Variants in PARD3B observed in about 807,000 individuals in gnomAD.
The protein encoded by PARD3B is par-3 family cell polarity regulator beta, also known as partitioning defective 3 homolog B.
A neutral mutation model predicts 130.2 loss-of-function variants in PARD3B; 103 were observed. That is an observed-to-expected ratio of 0.79 (90% CI 0.67 to 0.93). The LOEUF is 0.93. Among genes scored for constraint, PARD3B ranks in the 40% least tolerant of loss-of-function variants. The pLI is 0.00. For synonymous variants in PARD3B, 583 were observed against 553.2 expected (o/e 1.05, Z -0.76); for missense variants, 1,609 against 1,499.2 (o/e 1.07, Z -1.21).
intron 4 of PARD3B, among the ~76,000 whole-genome samples, chr2:205,063,021 T>C (rs1454717879): frequency 6.6e-6 from 1 of 152,066 alleles, no homozygotes; most frequent in Non-Finnish European, 1.5e-5. Context: ...TATTATTAAT[T>C]AATCTATTAT....
At chr2:204,824,212 T>A (rs2043478707) in intron 2 of PARD3B, among the ~76,000 whole-genome samples, 1 of 152,208 alleles carries the variant, frequency 6.6e-6, no homozygotes, top group African/African-American at 2.4e-5. Context: ...TATGTTATCC[T>A]CTGGCTTCCA....
At chr2:205,226,742 T>C (rs2038572806) in intron 15 of PARD3B, among the ~76,000 whole-genome samples, 1 of 152,218 alleles carries the variant, frequency 6.6e-6, no homozygotes, top group East Asian at 1.9e-4. Context: ...GCCAGGATCA[T>C]GCTGTTCTGA....
intron 11 of PARD3B, 103 bp from the exon 12 acceptor site, chr2:205,172,100 GTTTTCTTT>G (rs1446015606): frequency 3.8e-5 from 42 of 1,108,406 alleles, no homozygotes; most frequent in Non-Finnish European, 5.1e-5. Flanking sequence ...TAACAGCTAG[GTTTTCTTT>G]TTTTCTTTTT....
chr2:205,076,945 A>G (rs1701104662), intron 4 of PARD3B, among the ~76,000 whole-genome samples: 1 of 152,100 alleles, frequency 6.6e-6, no homozygotes, highest in Admixed American at 6.6e-5. Flanking sequence ...CTATTTCCTA[A>G]ATTTATTTGA....
intron 15 of PARD3B, among the ~76,000 whole-genome samples, chr2:205,214,318 C>T (rs953824349): frequency 3.9e-5 from 6 of 151,910 alleles, no homozygotes; most frequent in Admixed American, 1.3e-4. Context: ...TCAAAACATG[C>T]TTGAACTGCT....
At chr2:204,563,716 A>G (rs2031490685) in intron 1 of PARD3B, among the ~76,000 whole-genome samples, 1 of 152,076 alleles carries the variant, frequency 6.6e-6, no homozygotes, top group Non-Finnish European at 1.5e-5. Context: ...TTCAGTTGAC[A>G]CTTTTGAGAC....
At chr2:205,032,789 A>G (rs901259958) in intron 3 of PARD3B, among the ~76,000 whole-genome samples, 2 of 152,064 alleles carry the variant, frequency 1.3e-5, no homozygotes, top group Non-Finnish European at 2.9e-5. Context: ...AAAGCCCACC[A>G]TTTTTTTCCA....
At chr2:204,604,019 A>C (rs551647488) in intron 1 of PARD3B, among the ~76,000 whole-genome samples, 22 of 152,244 alleles carry the variant, frequency 1.4e-4, no homozygotes, top group Middle Eastern at 6.8e-3. Flanking sequence ...GTGAGTAATA[A>C]ATATTTGTTG....
chr2:205,453,034 G>T (rs534370199), intron 20 of PARD3B, among the ~76,000 whole-genome samples: 10 of 152,320 alleles, frequency 6.6e-5, no homozygotes, highest in African/African-American at 2.4e-4. Context: ...CTAAGAAGAG[G>T]TTGGAAGGTA....
intron 2 of PARD3B, among the ~76,000 whole-genome samples, chr2:204,836,020 A>C (rs1289083068): frequency 1.3e-5 from 2 of 152,242 alleles, no homozygotes; most frequent in Non-Finnish European, 2.9e-5. Flanking sequence ...GTTAAAAACT[A>C]TCAAACTATG....
intron 2 of PARD3B, among the ~76,000 whole-genome samples, chr2:204,928,493 A>G (rs2125770562): frequency 6.6e-6 from 1 of 152,292 alleles, no homozygotes; most frequent in Admixed American, 6.5e-5. Context: ...CACAAAAGAC[A>G]TATAAACGTG....
rs1197961809 is a variant in PARD3B at position 204,906,810 on chromosome 2, T to C, written c.223-58342T>C. 6.6e-6 allele frequency among the ~76,000 whole-genome samples: 1 copy of C among 152,246 alleles called. No individual in the cohort carries two copies. On this transcript the variant is annotated intron_variant, in intron 2 of 22. Transcript: ENST00000406610. This position sits in a 1 kb window ranked among gnomAD's most constrained non-coding sequence, Gnocchi z 4.3. ...AAACATTTTACATTGGATTATTTCATCTGCGTGGTTTTGTACACCATTTGA... is the reference window on the plus strand; with the variant it reads ...AAACATTTTACATTGGATTATTTCACCTGCGTGGTTTTGTACACCATTTGA...
At chr2:205,031,104 C>T (rs1697387468) in intron 3 of PARD3B, among the ~76,000 whole-genome samples, 2 of 152,086 alleles carry the variant, frequency 1.3e-5, no homozygotes, top group Non-Finnish European at 2.9e-5. Flanking sequence ...CTGCCACAGA[C>T]TAGAAAGATA....
intron 10 of PARD3B, among the ~76,000 whole-genome samples, chr2:205,139,626 T>A (rs1375134354): frequency 6.6e-6 from 1 of 152,234 alleles, no homozygotes; most frequent in Non-Finnish European, 1.5e-5. Context: ...GCTACATTTG[T>A]TCATGTTTGG....
chr2:204,806,362 C>G (rs1362227317), intron 2 of PARD3B, among the ~76,000 whole-genome samples: 1 of 152,070 alleles, frequency 6.6e-6, no homozygotes, highest in East Asian at 1.9e-4. Flanking sequence ...TAACTTTTGA[C>G]AAAGGTACCA....
chr2:204,624,518 A>G (rs1015425276), intron 1 of PARD3B, among the ~76,000 whole-genome samples: 1 of 152,220 alleles, frequency 6.6e-6, no homozygotes, highest in Admixed American at 6.5e-5. Flanking sequence ...TTGCATTTCC[A>G]TATTCATTGC....
At chr2:205,290,197 G>A (rs561458587) in intron 16 of PARD3B, among the ~76,000 whole-genome samples, 3 of 152,148 alleles carry the variant, frequency 2.0e-5, no homozygotes, top group Non-Finnish European at 2.9e-5. Context: ...TCTAAAATTT[G>A]GGGACTTGTA....
chr2:205,055,213 A>C (rs1699558383), intron 4 of PARD3B, among the ~76,000 whole-genome samples: 1 of 152,178 alleles, frequency 6.6e-6, no homozygotes, highest in East Asian at 1.9e-4. Context: ...AACTGTTCAA[A>C]ACATTTAGAA....
intron 1 of PARD3B, among the ~76,000 whole-genome samples, chr2:204,578,621 G>C (rs111257129): frequency 1.3e-5 from 2 of 152,076 alleles, no homozygotes; most frequent in African/African-American, 4.8e-5. Context: ...GTAATATTTG[G>C]GTGCCTGATT....
Sources: allele counts gnomAD v4.1 joint callset (sites outside exome capture counted in the v4.1 genomes callset), GRCh38; gene constraint gnomAD v4.1.1; non-coding constraint Gnocchi (gnomAD v3.1); transcripts MANE v1.5; gene names NCBI Gene and HGNC (gene_info 2026-07-23, HGNC 2026-07-21).